Variants in SEC63 observed in about 807,000 individuals in gnomAD.
SEC63 encodes translocation protein SEC63 homolog.
SEC63 carries 56 observed loss-of-function variants against 116.2 expected under a neutral mutation model. The ratio of observed to expected loss-of-function variants is 0.48; its 90% confidence interval spans 0.39 to 0.60. The LOEUF (loss-of-function observed/expected upper bound fraction) is 0.60, where lower values mean the gene tolerates loss of function less well. SEC63 is among the 20% of genes least tolerant of loss of function. The pLI is 0.00. For synonymous variants in SEC63, 273 were observed against 294.6 expected, an observed-to-expected ratio of 0.93 and a Z score of 0.75; for missense variants, 668 against 900.0, an observed-to-expected ratio of 0.74 and a Z score of 3.30.
At chr6:107,880,692 C>T (rs1182971141) in intron 18 of SEC63, among the ~76,000 whole-genome samples, 2 of 152,158 alleles carry the variant, frequency 1.3e-5, no homozygotes, top group Non-Finnish European at 2.9e-5. Context: ...CAACAATGAC[C>T]AGGGTCAGAG....
chr6:107,893,762 A>T (rs1457158269), intron 15 of SEC63, 76 bp downstream of exon 15: 29 of 1,596,254 alleles, frequency 1.8e-5, no homozygotes, highest in Non-Finnish European at 2.4e-5. Context: ...CTCCCAGAGC[A>T]ATATAAGTCA....
intron 1 of SEC63, among the ~76,000 whole-genome samples, chr6:107,936,824 A>C (rs534401521): frequency 1.3e-5 from 2 of 152,350 alleles, no homozygotes; most frequent in South Asian, 4.1e-4. Flanking sequence ...AACGTTAGCC[A>C]GATCTAAAGT....
At chr6:107,908,802 T>C in intron 8 of SEC63, 125 bp downstream of exon 8, 1 of 575,480 alleles carries the variant, frequency 1.7e-6, no homozygotes, top group South Asian at 2.3e-5. Context: ...TTTAATTATA[T>C]AAATTAACTA....
intron 1 of SEC63, among the ~76,000 whole-genome samples, chr6:107,932,543 G>A (rs945350683): frequency 2.0e-5 from 3 of 152,130 alleles, no homozygotes; most frequent in African/African-American, 7.2e-5. Flanking sequence ...ATATGCAGAG[G>A]AACTGACTGA....
intron 19 of SEC63, 111 bp downstream of exon 19, chr6:107,876,453 G>T: frequency 4.0e-6 from 3 of 749,578 alleles, no homozygotes; most frequent in Admixed American, 1.8e-5. Context: ...GCAACGAATA[G>T]AATACAATAT....
chr6:107,912,479 G>A (rs1237791577), intron 6 of SEC63, among the ~76,000 whole-genome samples: 11 of 152,150 alleles, frequency 7.2e-5, no homozygotes, highest in Non-Finnish European at 7.4e-5. Context: ...GCTACTCAGC[G>A]GGGGCTGAGG....
At chr6:107,888,073 C>T (rs371780272) in intron 16 of SEC63, among the ~76,000 whole-genome samples, 3 of 152,082 alleles carry the variant, frequency 2.0e-5, no homozygotes, top group Admixed American at 6.6e-5. Flanking sequence ...CTTGGCTATG[C>T]GGGCTCTTTT....
At chr6:107,926,927 G>A (rs1179305435) in intron 2 of SEC63, among the ~76,000 whole-genome samples, 1 of 152,192 alleles carries the variant, frequency 6.6e-6, no homozygotes, top group East Asian at 1.9e-4. Flanking sequence ...ACAGTTTCCT[G>A]AGAGCCAAAG....
At chr6:107,909,726 A>C (rs953489742) in intron 7 of SEC63, among the ~76,000 whole-genome samples, 2 of 152,210 alleles carry the variant, frequency 1.3e-5, no homozygotes, top group African/African-American at 4.8e-5. Flanking sequence ...ATGTAGGCAT[A>C]ATTTTACAAG....
intron 19 of SEC63, among the ~76,000 whole-genome samples, chr6:107,874,486 C>T (rs1786209894): frequency 6.6e-6 from 1 of 151,088 alleles, no homozygotes; most frequent in Non-Finnish European, 1.5e-5. Context: ...ATCCCAGCTA[C>T]TCAGGAGGCT....
At chr6:107,893,260 AG>A (rs1210534636) in intron 16 of SEC63, among the ~76,000 whole-genome samples, 3 of 152,158 alleles carry the variant, frequency 2.0e-5, no homozygotes, top group African/African-American at 4.8e-5. Flanking sequence ...CTTTAGGAAT[AG>A]GCAAAACTAA....
intron 1 of SEC63, among the ~76,000 whole-genome samples, chr6:107,954,174 C>A (rs1488395706): frequency 6.6e-6 from 1 of 151,998 alleles, no homozygotes; most frequent in Non-Finnish European, 1.5e-5. Flanking sequence ...TACCCCCAAC[C>A]CTGTGCTCTC....
rs1385979468 is a variant in SEC63, at chr6:107,876,674, A to AC, written c.1936-13_1936-12insG. The AC allele has an allele frequency of 1.5e-6, 2 of 1,369,364 alleles. No individual in the cohort carries two copies. The highest frequency in any genetic ancestry group is 2.0e-6 in the Non-Finnish European group (2 of 998,356). 84.8% of individuals were successfully genotyped at this position (1,369,364 alleles called of 1,614,324 possible). A position where few individuals can be genotyped will look rare whatever the true frequency, so the allele number is the denominator to read the frequency against. On this transcript the variant is annotated splice_polypyrimidine_tract_variant and intron_variant, in intron 18 of 20. Transcript: ENST00000369002. ...CATTCTTGTTTTTCCTGGAAACAAAAAAAAAAAAAAAAAAAGAAGAGGGGT... is the reference window on the plus strand; with the variant it reads ...CATTCTTGTTTTTCCTGGAAACAAAACAAAAAAAAAAAAAAAGAAGAGGGGT...
chr6:107,897,740 A>G lies in SEC63; in HGVS notation c.1358-9T>C, dbSNP rs1199643891. On this transcript the variant is annotated splice_polypyrimidine_tract_variant and intron_variant, in intron 13 of 20. Transcript: ENST00000369002. The stretch of plus-strand genomic sequence containing the variant: ...ATCTTCATCATCTAACACTGTTAAG[A>G]TGGAAGAAAAAAAACAGCAAAAAAT... The G allele has an allele frequency of 6.4e-6, 10 of 1,574,396 alleles. No individual in the cohort carries two copies. The highest frequency in any genetic ancestry group is 1.1e-5 in the South Asian group (1 of 90,250).
chr6:107,898,582 G>A (rs1452008577), intron 13 of SEC63, among the ~76,000 whole-genome samples: 1 of 151,880 alleles, frequency 6.6e-6, no homozygotes, highest in East Asian at 1.9e-4. Flanking sequence ...ACACTAAAAA[G>A]CACTTTTGAA....
intron 8 of SEC63, among the ~76,000 whole-genome samples, chr6:107,907,561 G>A (rs1157586397): frequency 6.6e-6 from 1 of 152,156 alleles, no homozygotes; most frequent in Non-Finnish European, 1.5e-5. Context: ...TAGCCTGGGA[G>A]ATGAGAGAAA....
chr6:107,888,575 ACT>A (rs1375355737), intron 16 of SEC63, among the ~76,000 whole-genome samples: 1 of 151,982 alleles, frequency 6.6e-6, no homozygotes, highest in Non-Finnish European at 1.5e-5. Context: ...CTAACTGAAC[ACT>A]CTTTATTTCT....
chr6:107,937,515 G>C (rs1770282475), intron 1 of SEC63, among the ~76,000 whole-genome samples: 1 of 152,094 alleles, frequency 6.6e-6, no homozygotes, highest in Non-Finnish European at 1.5e-5. Flanking sequence ...AATGAACATG[G>C]GTGCACGTCT....
intron 16 of SEC63, among the ~76,000 whole-genome samples, chr6:107,890,202 T>C (rs906649463): frequency 6.6e-6 from 1 of 152,216 alleles, no homozygotes; most frequent in Non-Finnish European, 1.5e-5. Context: ...TGTGGGAGTC[T>C]AAGCCTCTTT....
Sources: allele counts gnomAD v4.1 joint callset (sites outside exome capture counted in the v4.1 genomes callset), GRCh38; gene constraint gnomAD v4.1.1; transcripts MANE v1.5; gene names NCBI Gene and HGNC (gene_info 2026-07-23, HGNC 2026-07-21).